The following TASP1 variants were observed in gnomAD, a reference collection of about 807,000 sequenced individuals.
TASP1 encodes taspase 1.
Under a neutral mutation model 56.6 loss-of-function variants are expected in TASP1, and 16 were observed. The ratio of observed to expected loss-of-function variants is 0.28; its 90% CI spans 0.19 to 0.43. TASP1 has a LOEUF of 0.43. Among genes scored for constraint, TASP1 ranks in the 20% least tolerant of loss-of-function variants. TASP1 has a pLI of 1.00. For synonymous variants in TASP1, 179 were observed against 184.2 expected (o/e 0.97, Z 0.23); for missense variants, 393 against 511.6 (o/e 0.77, Z 2.24).
the TASP1 span, chr20:13,238,924 C>T: frequency 6.6e-6 from 1 of 152,358 alleles, no homozygotes; most frequent in South Asian, 2.1e-4. Flanking sequence ...AAAAGGCTAA[C>T]AACTCAGTGC....
At chr20:13,112,436 CT>C in the TASP1 span, among the ~76,000 whole-genome samples, 4 of 152,232 alleles carry the variant, frequency 2.6e-5, no homozygotes, top group Non-Finnish European at 5.9e-5. Context: ...GACATTATCA[CT>C]TCTGCCCTGA....
the TASP1 span, among the ~76,000 whole-genome samples, chr20:13,247,945 C>T: frequency 6.6e-6 from 1 of 152,124 alleles, no homozygotes; most frequent in African/African-American, 2.4e-5. Flanking sequence ...AAATCCCTTG[C>T]CTTTGTGGGT....
At chr20:13,469,971 G>T (rs955158241) in intron 11 of TASP1, among the ~76,000 whole-genome samples, 1 of 151,574 alleles carries the variant, frequency 6.6e-6, no homozygotes, top group African/African-American at 2.4e-5. Flanking sequence ...ACCATGCCTG[G>T]CTAATTCTTG....
chr20:13,521,376 A>G (rs1678416139), intron 10 of TASP1, among the ~76,000 whole-genome samples: 1 of 152,140 alleles, frequency 6.6e-6, no homozygotes, highest in African/African-American at 2.4e-5. Flanking sequence ...AACCAACCCA[A>G]ATGTCCAACA....
At chr20:13,366,773 G>A in the TASP1 span, among the ~76,000 whole-genome samples, 1 of 152,136 alleles carries the variant, frequency 6.6e-6, no homozygotes, top group East Asian at 1.9e-4. Flanking sequence ...GGGATCCAGA[G>A]AACATTCTTA....
intron 11 of TASP1, among the ~76,000 whole-genome samples, chr20:13,479,971 T>A (rs535527461): frequency 6.6e-6 from 1 of 152,350 alleles, no homozygotes; most frequent in East Asian, 1.9e-4. Flanking sequence ...ACCACCAGTG[T>A]GTTAAAAGAG....
chr20:13,565,412 C>T (rs187911250), intron 7 of TASP1, among the ~76,000 whole-genome samples: 53 of 152,138 alleles, frequency 3.5e-4, no homozygotes, highest in Admixed American at 2.9e-3. Context: ...AGTGAAAAGG[C>T]AACTCGTGGA....
chr20:13,115,248 A>G, the TASP1 span, among the ~76,000 whole-genome samples: 1 of 152,192 alleles, frequency 6.6e-6, no homozygotes, highest in African/African-American at 2.4e-5. Flanking sequence ...TCACATTGTG[A>G]AAATGAAAAC....
intron 4 of TASP1, among the ~76,000 whole-genome samples, chr20:13,600,942 T>C (rs1367496486): frequency 6.6e-6 from 1 of 152,112 alleles, no homozygotes; most frequent in Non-Finnish European, 1.5e-5. Context: ...CAGTATTCCT[T>C]GGAGAAATGG....
At chr20:13,527,160 A>G (rs950511756) in intron 10 of TASP1, among the ~76,000 whole-genome samples, 1 of 152,140 alleles carries the variant, frequency 6.6e-6, no homozygotes, top group Non-Finnish European at 1.5e-5. Context: ...AAGAAGGCCA[A>G]GATGGAACAG....
At chr20:13,221,026 G>A in the TASP1 span, among the ~76,000 whole-genome samples, 1 of 152,100 alleles carries the variant, frequency 6.6e-6, no homozygotes, top group African/African-American at 2.4e-5. Context: ...GCCAAACCGT[G>A]ACAACCTCGG....
At chr20:13,197,809 T>C in the TASP1 span, among the ~76,000 whole-genome samples, 1 of 152,196 alleles carries the variant, frequency 6.6e-6, no homozygotes, top group African/African-American at 2.4e-5. Context: ...TGCCTAGAGT[T>C]CAAATTCTAC....
At chr20:13,122,176 A>T in the TASP1 span, among the ~76,000 whole-genome samples, 1 of 152,198 alleles carries the variant, frequency 6.6e-6, no homozygotes, top group Admixed American at 6.5e-5. Context: ...GCAGGCCACC[A>T]CTAGGTATCC....
intron 4 of TASP1, among the ~76,000 whole-genome samples, chr20:13,597,678 C>A (rs951963210): frequency 2.0e-5 from 3 of 152,208 alleles, no homozygotes; most frequent in African/African-American, 7.2e-5. Flanking sequence ...GAAGTTCTGG[C>A]CAGAGCAATC....
At chr20:13,193,467 C>T in the TASP1 span, among the ~76,000 whole-genome samples, 3 of 152,134 alleles carry the variant, frequency 2.0e-5, no homozygotes, top group Non-Finnish European at 4.4e-5. Flanking sequence ...AGTCAAGCTA[C>T]GTCCATCAAA....
chr20:13,326,230 G>C, the TASP1 span, among the ~76,000 whole-genome samples: 1 of 152,144 alleles, frequency 6.6e-6, no homozygotes, highest in Non-Finnish European at 1.5e-5. Flanking sequence ...GGATATTTAA[G>C]TTGTTTGTAA....
chr20:13,125,431 G>A, the TASP1 span, among the ~76,000 whole-genome samples: 1 of 152,166 alleles, frequency 6.6e-6, no homozygotes, highest in Non-Finnish European at 1.5e-5. Context: ...TACTCAAACT[G>A]TCCTTTGCTG....
At chr20:13,278,974 T>C in the TASP1 span, among the ~76,000 whole-genome samples, 5 of 152,282 alleles carry the variant, frequency 3.3e-5, no homozygotes, top group East Asian at 9.7e-4. Context: ...ATGAAAGCTG[T>C]AAGGCCTCTG....
chr20:13,125,506 TA>T, the TASP1 span, among the ~76,000 whole-genome samples: 1 of 152,212 alleles, frequency 6.6e-6, no homozygotes, highest in Non-Finnish European at 1.5e-5. Flanking sequence ...ATTTGGTGTC[TA>T]AAAACACCAC....
Sources: allele counts gnomAD v4.1 joint callset (sites outside exome capture counted in the v4.1 genomes callset), GRCh38; gene constraint gnomAD v4.1.1; transcripts MANE v1.5; gene names NCBI Gene and HGNC (gene_info 2026-07-23, HGNC 2026-07-21).